Variants in EPB41L4A observed in about 807,000 individuals in gnomAD.
EPB41L4A encodes erythrocyte membrane protein band 4.1 like 4A, also known as band 4.1-like protein 4A.
In EPB41L4A, 100 loss-of-function variants were observed where a neutral mutation model predicts 108.6. The observed-to-expected ratio is 0.92, with a 90% CI of 0.78 to 1.09. EPB41L4A has a LOEUF of 1.09. Ranked by LOEUF, EPB41L4A falls within the 50% of genes least tolerant of loss-of-function variation. EPB41L4A has a pLI of 0.00. For synonymous variants in EPB41L4A, 319 were observed against 289.0 expected (o/e 1.10, Z -1.05); for missense variants, 1,030 against 842.7 (o/e 1.22, Z -2.75).
intron 12 of EPB41L4A, among the ~76,000 whole-genome samples, chr5:112,230,816 A>G (rs1432765055): frequency 2.0e-5 from 3 of 152,174 alleles, no homozygotes; most frequent in Non-Finnish European, 4.4e-5. Context: ...AATGTCTAGA[A>G]GAGTTTTACC....
intron 4 of EPB41L4A, among the ~76,000 whole-genome samples, chr5:112,271,198 A>G (rs1419823182): frequency 6.6e-6 from 1 of 152,230 alleles, no homozygotes; most frequent in Non-Finnish European, 1.5e-5. Flanking sequence ...GGATAGTAAA[A>G]TGATTCATAG....
intron 1 of EPB41L4A, among the ~76,000 whole-genome samples, chr5:112,415,508 A>G (rs1266415398): frequency 6.6e-6 from 1 of 152,200 alleles, no homozygotes; most frequent in Non-Finnish European, 1.5e-5. Flanking sequence ...AATTTTGAGA[A>G]TTAAATTTAT....
intron 9 of EPB41L4A, among the ~76,000 whole-genome samples, chr5:112,254,009 A>G (rs1421155822): frequency 1.3e-5 from 2 of 152,160 alleles, no homozygotes; most frequent in Non-Finnish European, 2.9e-5. Flanking sequence ...GAGTTCTGCC[A>G]AGTGGATCTC....
chr5:112,265,222 C>T (rs957320933), intron 5 of EPB41L4A, among the ~76,000 whole-genome samples: 12 of 152,170 alleles, frequency 7.9e-5, no homozygotes, highest in Non-Finnish European at 1.6e-4. Context: ...AACAGAAGTT[C>T]TTTATTTTTG....
At chr5:112,162,219 G>T (rs1580343057), downstream of EPB41L4A, 1 of 152,100 alleles carries the variant, frequency 6.6e-6, no homozygotes. Context: ...GAAATTTCTG[G>T]GAGTCTGAGG....
Position 112,240,740 on chromosome 5 carries a change from A to G in EPB41L4A, c.866T>C (p.Val289Ala). ...TACKHLWKCS[V>A]EHHTFFRMPE... is the part of the protein sequence containing the mutation. ...TTACCTAAAAAATGTATGATGTTCC[A>G]CACTGCACTTCCAGAGGTGCTTGCA... Residue 289 changes from valine (V) to alanine (A), a missense_variant, in exon 10 of 23, where the codon GTG becomes GCG. Val to Ala is a moderately conservative substitution (Grantham distance 64). Transcript: ENST00000261486. 6.4e-7 allele frequency: 1 copy of G among 1,574,384 alleles called. No individual in the cohort carries two copies. Among genetic ancestry groups the G allele is most frequent in the Non-Finnish European group, 8.6e-7 (1 of 1,168,752 alleles).
chr5:112,414,001 T>C (rs1762560932), intron 1 of EPB41L4A, among the ~76,000 whole-genome samples: 1 of 152,224 alleles, frequency 6.6e-6, no homozygotes, highest in African/African-American at 2.4e-5. Flanking sequence ...ACAGCATGAA[T>C]GTAGAAGGTG....
intron 2 of EPB41L4A, among the ~76,000 whole-genome samples, chr5:112,290,962 G>T (rs964736618): frequency 6.6e-6 from 1 of 152,096 alleles, no homozygotes; most frequent in African/African-American, 2.4e-5. Flanking sequence ...TGCAATTACA[G>T]TCTGTTTCTC....
rs570460886 is a variant in EPB41L4A, at chr5:112,176,885, G to GC, written c.1623-5894dup. Among the ~76,000 whole-genome samples, 33 of 150,318 alleles carry GC rather than the reference G, an allele frequency of 2.2e-4. No homozygotes were observed. The East Asian group carries it at 6.6e-3, about 30-fold the overall frequency. On this transcript the variant is annotated intron_variant, in intron 18 of 22. Transcript: ENST00000261486. ...TTCTCCTGACCCAGCCTCCCAAGTA[G>GC]CTGGGATTACAGGCACCCACCACCA...
chr5:112,409,782 G>A (rs1338513408), intron 1 of EPB41L4A, among the ~76,000 whole-genome samples: 1 of 152,056 alleles, frequency 6.6e-6, no homozygotes, highest in Non-Finnish European at 1.5e-5. Context: ...AGGAGCTAAG[G>A]GTTTCATGTA....
intron 9 of EPB41L4A, among the ~76,000 whole-genome samples, chr5:112,241,934 TA>T (rs1749813778): frequency 1.3e-5 from 2 of 152,280 alleles, no homozygotes; most frequent in Admixed American, 1.3e-4. Context: ...CATTAGGTCT[TA>T]AAAAAACATA....
chr5:112,209,785 A>C (rs2150310631), intron 13 of EPB41L4A, 107 bp downstream of exon 13: 1 of 624,210 alleles, frequency 1.6e-6, no homozygotes, highest in African/African-American at 1.9e-5. Context: ...ATGGATCAAA[A>C]GTATTCATTA....
chr5:112,311,515 A>G (rs746160978), intron 1 of EPB41L4A, among the ~76,000 whole-genome samples: 6 of 152,172 alleles, frequency 3.9e-5, no homozygotes, highest in Admixed American at 3.3e-4. Context: ...ATCTATCTAC[A>G]GCCACTAAGC....
rs1561571476 is a variant in EPB41L4A, at chr5:112,323,482, ATAACT to A, written c.100-15997_100-15993del. On this transcript the variant is annotated intron_variant, in intron 1 of 22. Coordinates refer to ENST00000261486, the MANE Select transcript of EPB41L4A (RefSeq NM_022140.5). ...CTGACCCAAGAAGATGAAGTTACAA[ATAACT>A]TTACTGTTTCTTACAGAACTTTCCA... is the stretch of plus-strand genomic sequence containing the variant. Among the ~76,000 whole-genome samples the A allele has an allele frequency of 3.3e-5, 5 of 152,242 alleles. No individual in the cohort carries two copies. In the South Asian group the frequency reaches 1.0e-3, roughly 31 times the overall value.
chr5:112,247,472 TG>T (rs1268632595), intron 9 of EPB41L4A, among the ~76,000 whole-genome samples: 1 of 152,170 alleles, frequency 6.6e-6, no homozygotes, highest in Non-Finnish European at 1.5e-5. Flanking sequence ...GTACTGTGTG[TG>T]GCAGGACATA....
At chr5:112,188,585 T>C (rs929493306) in intron 17 of EPB41L4A, among the ~76,000 whole-genome samples, 1 of 152,192 alleles carries the variant, frequency 6.6e-6, no homozygotes, top group African/African-American at 2.4e-5. Context: ...ATCAACCATA[T>C]CAAATGTCTA....
chr5:112,207,016 T>C (rs1382133100), intron 13 of EPB41L4A: 1 of 152,214 alleles, frequency 6.6e-6, no homozygotes, highest in Non-Finnish European at 1.5e-5. Flanking sequence ...GCTGGAGGCA[T>C]CACACTACCT....
Position 112,259,914 on chromosome 5 carries a change from T to C in EPB41L4A, c.708A>G (p.Lys236=), listed in dbSNP as rs767231825. The C allele has an allele frequency of 1.9e-6, 3 of 1,614,082 alleles. No individual in the cohort carries two copies. Among genetic ancestry groups the C allele is most frequent in the Admixed American group, 1.7e-5 (1 of 60,022 alleles). The change falls in exon 8 of 23, where the codon AAA becomes AAG. Residue 236 remains lysine, a synonymous_variant. Transcript: ENST00000261486. ...TPVGVVVYKN[K]KQVGKYFWPR... ...ACCAGAAATACTTCCCCACTTGCTT[T>C]TTATTCTTGTACACAACAACACCAA...
intron 1 of EPB41L4A, among the ~76,000 whole-genome samples, chr5:112,380,847 G>A (rs996738725): frequency 6.7e-6 from 1 of 150,218 alleles, no homozygotes; most frequent in African/African-American, 2.5e-5. Flanking sequence ...CAAGGGGAAA[G>A]GAGAGCAGCA....
Sources: gnomAD v4.1 joint callset for allele counts (sites outside exome capture counted in the v4.1 genomes callset) on GRCh38, gnomAD v4.1.1 for gene constraint, MANE v1.5 for transcripts, NCBI Gene and HGNC (gene_info 2026-07-23, HGNC 2026-07-21) for gene names.